Variants in TANC1 observed in about 807,000 individuals in gnomAD.
TANC1 encodes the protein protein TANC1.
In TANC1, 77 loss-of-function variants were observed where a neutral mutation model predicts 149.7. The observed-to-expected ratio is 0.51, with a 90% confidence interval of 0.43 to 0.62. The LOEUF (loss-of-function observed/expected upper bound fraction) is 0.62. Among genes scored for constraint, TANC1 ranks in the 20% least tolerant of loss-of-function variants. TANC1 has a pLI of 0.00. For missense variants in TANC1, 1,985 were observed against 2,321.8 expected, an observed-to-expected ratio of 0.85 and a Z score of 2.98; for synonymous variants, 854 against 925.0, an observed-to-expected ratio of 0.92 and a Z score of 1.39.
chr2:159,129,570 GT>G (rs538237644), intron 4 of TANC1, among the ~76,000 whole-genome samples: 20 of 149,064 alleles, frequency 1.3e-4, no homozygotes, highest in East Asian at 3.9e-4. Context: ...TTGTTTTGTT[GT>G]TTTTTTTTTC....
At chr2:159,176,122 C>T (rs188192465) in intron 12 of TANC1, among the ~76,000 whole-genome samples, 109 of 152,320 alleles carry the variant, frequency 7.2e-4, no homozygotes, top group African/African-American at 2.5e-3. Flanking sequence ...ATTCTGCTAA[C>T]ATGTGTCATG....
At chr2:159,086,707 A>G (rs983366652) in intron 3 of TANC1, among the ~76,000 whole-genome samples, 2 of 152,178 alleles carry the variant, frequency 1.3e-5, no homozygotes, top group Non-Finnish European at 2.9e-5. Flanking sequence ...GTCAGAATAT[A>G]TGTCAAACTG....
At chr2:159,188,326 A>AT (rs1316386845) in intron 16 of TANC1, among the ~76,000 whole-genome samples, 1 of 152,246 alleles carries the variant, frequency 6.6e-6, no homozygotes, top group East Asian at 1.9e-4. Flanking sequence ...ACTTTGGTAA[A>AT]TTAAAGTGAC....
At chr2:159,140,736 A>G (rs1234423602) in intron 5 of TANC1, among the ~76,000 whole-genome samples, 1 of 139,424 alleles carries the variant, frequency 7.2e-6, no homozygotes. Flanking sequence ...TGTTGCCCAG[A>G]CTGGAGTGCA....
chr2:158,975,996 G>A (rs1356837597), intron 1 of TANC1, among the ~76,000 whole-genome samples: 2 of 151,562 alleles, frequency 1.3e-5, no homozygotes, highest in African/African-American at 4.8e-5. Context: ...ACCACACCTG[G>A]CTAATTTTTG....
intron 19 of TANC1, among the ~76,000 whole-genome samples, chr2:159,202,718 C>T (rs988310560): frequency 1.3e-5 from 2 of 152,074 alleles, no homozygotes; most frequent in Non-Finnish European, 1.5e-5. Context: ...GCTCTTGGCT[C>T]GGTGATATTC....
chr2:159,080,626 G>A (rs1038853123), intron 3 of TANC1, among the ~76,000 whole-genome samples: 10 of 152,156 alleles, frequency 6.6e-5, no homozygotes, highest in African/African-American at 2.4e-4. Context: ...GAATAGCTTT[G>A]CAAAGATTGA....
Position 159,079,590 on chromosome 2 carries a change from T to C in TANC1, c.61+13619T>C, listed in dbSNP as rs541898451. The stretch of plus-strand genomic sequence containing the variant: ...CTATACAATGGGGATAATAACAGTA[T>C]CTATGTCCTCTCCATTGTGAAGATT... On this transcript the variant is annotated intron_variant, in intron 3 of 26. Transcript: ENST00000263635. Among the ~76,000 whole-genome samples the C allele has an allele frequency of 7.9e-5, 12 of 152,234 alleles. No individual in the cohort carries two copies. The South Asian group carries it at 1.0e-3, about 13-fold the overall frequency.
chr2:159,225,517 G>A lies in TANC1; in HGVS notation c.3812-171G>A, dbSNP rs917692598. 23 of 621,290 alleles carry A rather than the reference G, an allele frequency of 3.7e-5. No homozygotes were observed. The African/African-American group carries it at 3.9e-4, about 10-fold the overall frequency. 38.5% of individuals were successfully genotyped at this position (621,290 alleles called of 1,614,324 possible). On this transcript the variant is annotated intron_variant, in intron 23 of 26. Transcript: ENST00000263635. ...GACAGATTTGAGTGCCCAGGTCAGT[G>A]GGAAAGGATTAGCAACAGCCTCGCC...
At chr2:159,209,762 C>G (rs2150840511) in intron 19 of TANC1, among the ~76,000 whole-genome samples, 1 of 152,284 alleles carries the variant, frequency 6.6e-6, no homozygotes, top group Non-Finnish European at 1.5e-5. Flanking sequence ...ACACTCTTTC[C>G]TGGTGTTCTC....
At chr2:159,111,819 A>C (rs902023049) in intron 4 of TANC1, among the ~76,000 whole-genome samples, 1 of 152,190 alleles carries the variant, frequency 6.6e-6, no homozygotes. Context: ...GGAGGCTTCT[A>C]TCTTGGGCTG....
chr2:159,062,422 A>G (rs1008156427), intron 2 of TANC1, among the ~76,000 whole-genome samples: 3 of 152,110 alleles, frequency 2.0e-5, no homozygotes, highest in Non-Finnish European at 4.4e-5. Flanking sequence ...GGTTTGCATC[A>G]TTTCTATTTG....
chr2:159,171,318 G>T (rs1031140681), intron 10 of TANC1, among the ~76,000 whole-genome samples: 4 of 152,236 alleles, frequency 2.6e-5, no homozygotes, highest in African/African-American at 9.6e-5. Context: ...AGTGAATCAT[G>T]CGAGATTTTT....
In TANC1 at chr2:159,226,031, A is replaced by C. The variant is rs983209421; in HGVS notation, c.3903+252A>C. The C allele has an allele frequency of 1.7e-5, 8 of 476,928 alleles. No individual in the cohort carries two copies. In the East Asian group the frequency reaches 3.4e-4, roughly 20 times the overall value. 29.5% of individuals were successfully genotyped at this position (476,928 alleles called of 1,614,324 possible). On this transcript the variant is annotated intron_variant, in intron 24 of 26. Coordinates refer to ENST00000263635, the MANE Select transcript of TANC1 (RefSeq NM_033394.3). ...ACCCCATCTTTACTAAAAATACAAA[A>C]ATCAGCCAGGTGCCTGTAATCCCAG... is the stretch of plus-strand genomic sequence containing the variant.
chr2:159,023,829 A>G (rs2039029426), intron 2 of TANC1, among the ~76,000 whole-genome samples: 2 of 152,064 alleles, frequency 1.3e-5, no homozygotes, highest in African/African-American at 4.8e-5. Flanking sequence ...TTAACTGGGT[A>G]TTATGGCACA....
chr2:159,027,097 C>T (rs574655721), intron 2 of TANC1: 1 of 152,116 alleles, frequency 6.6e-6, no homozygotes, highest in Non-Finnish European at 1.5e-5. Context: ...TGCTAATCTT[C>T]TCTGTATCAG....
At chr2:159,172,991 G>A (rs1051552050) in intron 11 of TANC1, among the ~76,000 whole-genome samples, 3 of 152,090 alleles carry the variant, frequency 2.0e-5, no homozygotes, top group South Asian at 2.1e-4. Flanking sequence ...CCAGATCCCC[G>A]TCCCTTCTGC....
At chr2:159,221,805 G>A (rs1456708672) in intron 22 of TANC1, among the ~76,000 whole-genome samples, 2 of 152,122 alleles carry the variant, frequency 1.3e-5, no homozygotes, top group Non-Finnish European at 2.9e-5. Context: ...ATGTCTAATC[G>A]AGGTTTGAGG....
At chr2:159,023,967 C>CAA (rs113392917) in intron 2 of TANC1, among the ~76,000 whole-genome samples, 23 of 105,332 alleles carry the variant, frequency 2.2e-4, no homozygotes, top group African/African-American at 4.6e-4. Flanking sequence ...GACTCCATCT[C>CAA]AAAAAAAAAA....
Sources: gnomAD v4.1 joint callset for allele counts (sites outside exome capture counted in the v4.1 genomes callset) on GRCh38, gnomAD v4.1.1 for gene constraint, MANE v1.5 for transcripts, NCBI Gene and HGNC (gene_info 2026-07-23, HGNC 2026-07-21) for gene names.